The following CDH13 variants were observed in gnomAD, a reference collection of about 807,000 sequenced individuals.
The protein encoded by CDH13 is cadherin 13, also known as cadherin-13.
CDH13 carries 24 observed loss-of-function variants against 63.8 expected under a neutral mutation model. The observed-to-expected ratio is 0.38, with a 90% CI of 0.27 to 0.53. The LOEUF (loss-of-function observed/expected upper bound fraction) is 0.53. Among genes scored for constraint, CDH13 ranks in the 20% least tolerant of loss-of-function variants. CDH13 has a pLI of 0.85. For synonymous variants in CDH13, 503 were observed against 355.3 expected (o/e 1.42, Z -4.67); for missense variants, 1,049 against 903.1 (o/e 1.16, Z -2.07).
chr16:83,078,884 TC>T (rs1429025194), intron 3 of CDH13, among the ~76,000 whole-genome samples: 1 of 152,156 alleles, frequency 6.6e-6, no homozygotes, highest in Non-Finnish European at 1.5e-5. Flanking sequence ...AACCTCCGCC[TC>T]CCAGGTTCCA....
intron 5 of CDH13, among the ~76,000 whole-genome samples, chr16:83,318,153 A>G (rs1053737830): frequency 4.6e-5 from 7 of 152,256 alleles, no homozygotes; most frequent in African/African-American, 1.2e-4. Context: ...CATACTGAGC[A>G]TTTAATAAGC....
At chr16:83,674,546 TGGCCTTTG>T (rs767311044) in intron 9 of CDH13, among the ~76,000 whole-genome samples, 2 of 152,222 alleles carry the variant, frequency 1.3e-5, no homozygotes, top group Non-Finnish European at 2.9e-5. Context: ...AGTCCAAATC[TGGCCTTTG>T]GGCCTTTACA....
intron 2 of CDH13, among the ~76,000 whole-genome samples, chr16:82,878,201 C>T (rs532181016): frequency 6.6e-6 from 1 of 152,060 alleles, no homozygotes; most frequent in Non-Finnish European, 1.5e-5. Flanking sequence ...AAAAGGATCT[C>T]AGGGTGGGTG....
In CDH13 at chr16:83,156,710, C is replaced by T. The variant is rs534976262; in HGVS notation, c.483+31209C>T. ...TTGACGACATGAAACCAGGCTTTGA[C>T]AGCATTCATTTTTGCTGAAGGACCC... is the stretch of plus-strand genomic sequence containing the variant. On this transcript the variant is annotated intron_variant, in intron 4 of 13. Transcript: ENST00000567109. 2.0e-5 allele frequency among the ~76,000 whole-genome samples: 3 copies of T among 152,312 alleles called. No homozygotes were observed. The South Asian group carries it at 6.2e-4, about 32-fold the overall frequency.
At chr16:83,186,679 A>T (rs530105517) in intron 4 of CDH13, among the ~76,000 whole-genome samples, 1 of 152,316 alleles carries the variant, frequency 6.6e-6, no homozygotes, top group South Asian at 2.1e-4. Context: ...GAGTTACAAA[A>T]AGTTAAATTT....
At chr16:82,673,745 A>C (rs1043133741) in intron 1 of CDH13, among the ~76,000 whole-genome samples, 8 of 152,192 alleles carry the variant, frequency 5.3e-5, no homozygotes, top group African/African-American at 1.9e-4. Flanking sequence ...TGTTCACATT[A>C]GAGTGGGCAG....
At chr16:82,665,802 G>A (rs946224646) in intron 1 of CDH13, among the ~76,000 whole-genome samples, 4 of 152,018 alleles carry the variant, frequency 2.6e-5, no homozygotes, top group African/African-American at 4.8e-5. Flanking sequence ...TACTTTATAT[G>A]TGCTTAGAGC....
At chr16:83,478,919 A>G (rs2073685150) in intron 6 of CDH13, among the ~76,000 whole-genome samples, 1 of 152,226 alleles carries the variant, frequency 6.6e-6, no homozygotes, top group African/African-American at 2.4e-5. Flanking sequence ...AATGAAAATA[A>G]AGCCAGTCCA....
At chr16:82,846,003 C>T (rs1292244957) in intron 1 of CDH13, among the ~76,000 whole-genome samples, 1 of 152,148 alleles carries the variant, frequency 6.6e-6, no homozygotes, top group African/African-American at 2.4e-5. Context: ...GTGAATTGTT[C>T]TTGGCTCTGT....
At chr16:83,004,918 A>G (rs1248927984) in intron 2 of CDH13, among the ~76,000 whole-genome samples, 1 of 152,182 alleles carries the variant, frequency 6.6e-6, no homozygotes, top group Non-Finnish European at 1.5e-5. Flanking sequence ...CCAGGGTGGT[A>G]TCCTCATTCC....
intron 4 of CDH13, among the ~76,000 whole-genome samples, chr16:83,209,813 G>T (rs2039288043): frequency 6.6e-6 from 1 of 152,084 alleles, no homozygotes; most frequent in African/African-American, 2.4e-5. Context: ...TCTGCATGGA[G>T]TGGGCAGGAG....
intron 1 of CDH13, among the ~76,000 whole-genome samples, chr16:82,716,461 A>T (rs1015465572): frequency 1.3e-5 from 2 of 151,756 alleles, no homozygotes; most frequent in African/African-American, 4.8e-5. Flanking sequence ...TCACAAATAG[A>T]GCCAAAAGAA....
intron 6 of CDH13, among the ~76,000 whole-genome samples, chr16:83,355,841 C>T (rs1416565460): frequency 6.6e-6 from 1 of 152,188 alleles, no homozygotes; most frequent in Non-Finnish European, 1.5e-5. Context: ...GAGATGATGC[C>T]TGTCCCAGGG....
At chr16:83,027,139 C>G (rs1258408068) in intron 2 of CDH13, among the ~76,000 whole-genome samples, 1 of 142,358 alleles carries the variant, frequency 7.0e-6, no homozygotes. Context: ...AATCCTCTAC[C>G]ATTACTAAAT....
At chr16:83,554,632 G>C (rs1166208268) in intron 7 of CDH13, among the ~76,000 whole-genome samples, 1 of 151,962 alleles carries the variant, frequency 6.6e-6, no homozygotes. Context: ...TGTCACAAAA[G>C]ACTGCAAAAA....
intron 6 of CDH13, among the ~76,000 whole-genome samples, chr16:83,462,834 T>C (rs910977108): frequency 2.0e-5 from 3 of 152,124 alleles, no homozygotes; most frequent in African/African-American, 4.8e-5. Flanking sequence ...CTAATACTAT[T>C]TGTTCACTTA....
intron 2 of CDH13, among the ~76,000 whole-genome samples, chr16:82,900,098 T>A (rs1263572448): frequency 1.3e-5 from 2 of 152,176 alleles, no homozygotes; most frequent in African/African-American, 4.8e-5. Flanking sequence ...TTTCCAAATA[T>A]ACCATGTTCC....
At chr16:82,795,552 G>A (rs1300844291) in intron 1 of CDH13, among the ~76,000 whole-genome samples, 3 of 152,106 alleles carry the variant, frequency 2.0e-5, no homozygotes, top group Non-Finnish European at 2.9e-5. Flanking sequence ...TCAACCCTAT[G>A]AATTACATAC....
At chr16:83,253,202 G>A (rs945570604) in intron 5 of CDH13, among the ~76,000 whole-genome samples, 2 of 152,114 alleles carry the variant, frequency 1.3e-5, no homozygotes, top group African/African-American at 2.4e-5. Flanking sequence ...CTCCAAGATG[G>A]ATTTATTTTT....
Sources: gnomAD v4.1 joint callset for allele counts (sites outside exome capture counted in the v4.1 genomes callset) on GRCh38, gnomAD v4.1.1 for gene constraint, MANE v1.5 for transcripts, NCBI Gene and HGNC (gene_info 2026-07-23, HGNC 2026-07-21) for gene names.